ADAP1: variants seen among roughly 807,000 people sequenced by gnomAD.
ADAP1 encodes ArfGAP with dual PH domains 1.
In ADAP1, 31 loss-of-function variants were observed where a neutral mutation model predicts 54.9. That is an observed-to-expected ratio of 0.56 (90% confidence interval 0.42 to 0.76). ADAP1 has a LOEUF of 0.76. ADAP1 is among the 30% of genes least tolerant of loss of function. The pLI, the probability that ADAP1 is intolerant of heterozygous loss-of-function variation, is 0.00. For synonymous variants in ADAP1, 313 were observed against 202.6 expected (o/e 1.55, Z -4.63); for missense variants, 535 against 512.4 (o/e 1.04, Z -0.42).
At position 899,334 on chromosome 7, in the gene ADAP1, G is replaced by A. The variant is rs1203513108; in HGVS notation, c.868-73C>T. ...CCGCTTCACTCAGGCCAGGACTCGG[G>A]AGGCCACCCGCCCTCCTGGTCACGC... is the stretch of plus-strand genomic sequence containing the variant. On this transcript the variant is annotated intron_variant, in intron 9 of 10. Transcript: ENST00000265846. 8 of 1,605,102 alleles carry A rather than the reference G, an allele frequency of 5.0e-6. No homozygotes were observed. In the East Asian group the frequency reaches 8.9e-5, roughly 18 times the overall value.
In ADAP1 at chr7:935,521, G is replaced by T; in HGVS notation, c.83-16C>A. The T allele has an allele frequency of 6.4e-7, 1 of 1,558,532 alleles. No individual in the cohort carries two copies. Among genetic ancestry groups the T allele is most frequent in the South Asian group, 1.2e-5 (1 of 84,528 alleles). On this transcript the variant is annotated splice_polypyrimidine_tract_variant and intron_variant, in intron 1 of 10. Coordinates refer to ENST00000265846, the MANE Select transcript of ADAP1 (RefSeq NM_006869.4). Reference sequence around the variant, plus strand: ...CAGTCGGGATCTGCAAGGGAAAGCCGGACGTTCACGGAGGCTCAGCCCAGG... The same window carrying T: ...CAGTCGGGATCTGCAAGGGAAAGCCTGACGTTCACGGAGGCTCAGCCCAGG...
intron 5 of ADAP1, 58 bp from the exon 6 acceptor site, chr7:904,330 C>T: frequency 6.6e-7 from 1 of 1,517,730 alleles, no homozygotes; most frequent in Non-Finnish European, 8.8e-7. Flanking sequence ...CTCAAGGGAG[C>T]AGGAAGGGCA....
chr7:922,802 GCCCCCGCCCACA>G (rs1170114971), intron 3 of ADAP1, among the ~76,000 whole-genome samples: 216 of 150,478 alleles, frequency 1.4e-3, no homozygotes, highest in Middle Eastern at 3.5e-3. Context: ...TGGTGTTCAC[GCCCCCGCCCACA>G]CCCCCGCCCA....
chr7:943,832 G>GACGA (rs1847070638), intron 1 of ADAP1, among the ~76,000 whole-genome samples: 1 of 141,316 alleles, frequency 7.1e-6, no homozygotes, highest in Non-Finnish European at 1.5e-5. Context: ...GAGAGAGGAG[G>GACGA]AGGAAGGGAG....
intron 7 of ADAP1, 69 bp from the exon 8 acceptor site, chr7:900,233 C>T (rs953017277): frequency 9.7e-5 from 154 of 1,579,914 alleles, no homozygotes; most frequent in Middle Eastern, 3.3e-4. Flanking sequence ...CCTGGCTGTG[C>T]CCCTCTGTGC....
At position 946,265 on chromosome 7, in the gene ADAP1, AT is replaced by A. The variant is rs1341990278; in HGVS notation, c.82+8130del. On this transcript the variant is annotated intron_variant, in intron 1 of 10. Transcript: ENST00000265846. This position sits in a 1 kb window ranked among gnomAD's most constrained non-coding sequence, Gnocchi z 4.3. ...GATCCAGGCTCCCGCCGGCCGGTGG[AT>A]CCCCGCCAGCGAGGCAGTGACCTCT... Among the ~76,000 whole-genome samples, 1 of 152,010 alleles carries A rather than the reference AT, an allele frequency of 6.6e-6. No individual in the cohort carries two copies. The highest frequency in any genetic ancestry group is 1.5e-5 in the Non-Finnish European group (1 of 67,994).
chr7:930,815 T>TAA (rs55747872), intron 2 of ADAP1, among the ~76,000 whole-genome samples: 3,155 of 144,090 alleles, frequency 0.022, 63 homozygotes, highest in East Asian at 0.11. Flanking sequence ...AGACTGTCTC[T>TAA]AAAAAAAAAA....
chr7:899,439 T>A lies in ADAP1; in HGVS notation c.847A>T (p.Met283Leu), dbSNP rs972013573. ...CTTACCAGGGGGTCTTTGAAGTACA[T>A]GAGCCTGCGGTCATCCATGGTGAAC... ...RWFTMDDRRLMYFKDPLDAFA... is the reference protein window; with the variant it reads ...RWFTMDDRRLLYFKDPLDAFA... The change falls in exon 9 of 11, where the codon ATG becomes TTG. Residue 283 changes from methionine (M) to leucine (L), a missense_variant. Met to Leu is a conservative substitution (Grantham distance 15). Transcript: ENST00000265846. 6.2e-7 allele frequency: 1 copy of A among 1,613,070 alleles called. No individual in the cohort carries two copies. The highest frequency in any genetic ancestry group is 1.3e-5 in the African/African-American group (1 of 74,940).
chr7:952,556 G>A (rs1166723929), intron 1 of ADAP1, among the ~76,000 whole-genome samples: 1 of 152,176 alleles, frequency 6.6e-6, no homozygotes, highest in Non-Finnish European at 1.5e-5. Context: ...GGGGGGCTAG[G>A]CAGCCCCCTG....
intron 1 of ADAP1, among the ~76,000 whole-genome samples, chr7:947,373 GGA>G (rs1468702925): frequency 1.3e-5 from 2 of 151,950 alleles, no homozygotes; most frequent in African/African-American, 2.4e-5. Context: ...TTTTAAAAAA[GGA>G]GAGAGAGAGA....
rs1315203861 is a variant in ADAP1, at chr7:945,561, C to A, written c.82+8835G>T. Reference sequence around the variant, plus strand: ...ACAAGGCCAGCAGGTACACACTGGGCCCAAGGGTGGCTGCGGCATGGCTGA... The same window carrying A: ...ACAAGGCCAGCAGGTACACACTGGGACCAAGGGTGGCTGCGGCATGGCTGA... On this transcript the variant is annotated intron_variant, in intron 1 of 10. Transcript: ENST00000265846. This position sits in a 1 kb window ranked among gnomAD's most constrained non-coding sequence, Gnocchi z 4.2. Among the ~76,000 whole-genome samples, 1 of 152,232 alleles carries A rather than the reference C, an allele frequency of 6.6e-6. No individual in the cohort carries two copies. Among genetic ancestry groups the A allele is most frequent in the East Asian group, 1.9e-4 (1 of 5,196 alleles).
Position 954,572 on chromosome 7 carries a change from C to A in ADAP1, c.-95G>T, listed in dbSNP as rs915816555. On this transcript the variant is annotated 5_prime_UTR_variant, in exon 1 of 11. Coordinates refer to ENST00000265846, the MANE Select transcript of ADAP1 (RefSeq NM_006869.4). Reference sequence around the variant, plus strand: ...CCGCGCAGGCCGCCCGCCGCCGCCGCCCCTGCGCCATCCCGGGCGGCCTCA... The same window carrying A: ...CCGCGCAGGCCGCCCGCCGCCGCCGACCCTGCGCCATCCCGGGCGGCCTCA... The A allele has an allele frequency of 3.1e-5, 31 of 987,684 alleles. 1 individual carries two copies. The African/African-American group carries it at 4.0e-4, about 13-fold the overall frequency. 61.2% of individuals were successfully genotyped at this position (987,684 alleles called of 1,614,324 possible).
At chr7:935,108 T>G in intron 2 of ADAP1, 1 of 595,354 alleles carries the variant, frequency 1.7e-6, no homozygotes, top group Non-Finnish European at 3.2e-6. Context: ...GGCACGGGAA[T>G]CGGCGACCCG....
At chr7:904,950 G>A (rs1161933124) in intron 5 of ADAP1, 110 bp downstream of exon 5, 2 of 810,538 alleles carry the variant, frequency 2.5e-6, no homozygotes, top group Non-Finnish European at 2.0e-6. Flanking sequence ...CATCGGGGGG[G>A]GCAGCAGGGA....
intron 1 of ADAP1, among the ~76,000 whole-genome samples, chr7:949,094 A>G (rs967303817): frequency 1.3e-5 from 2 of 152,190 alleles, no homozygotes; most frequent in African/African-American, 4.8e-5. Context: ...GCAGATGCTG[A>G]GAGTGAAGGG....
chr7:924,625 C>T (rs1020477792), intron 3 of ADAP1, among the ~76,000 whole-genome samples: 1 of 151,062 alleles, frequency 6.6e-6, no homozygotes, highest in Admixed American at 6.6e-5. Context: ...GCCCCAGCAT[C>T]CACGGCTCAT....
At position 904,261 on chromosome 7, in the gene ADAP1, G is replaced by C. The variant is rs202209725; in HGVS notation, c.513C>G (p.Pro171=). 5 of 1,596,926 alleles carry C rather than the reference G, an allele frequency of 3.1e-6. No individual in the cohort carries two copies. The South Asian group carries it at 5.6e-5, about 18-fold the overall frequency. Residue 171 remains proline, a synonymous_variant, in exon 6 of 11, where the codon CCC becomes CCG. Transcript: ENST00000265846. The part of the protein sequence containing the change: ...KYFNRNDAKE[P]KAVMKIEHLN... ...GGTGCTCGATCTTCATCACGGCCTT[G>C]GGCTCCTTGGCCTGAGAAGGGGTGG...
At chr7:922,421 T>C (rs1011076327) in intron 3 of ADAP1, among the ~76,000 whole-genome samples, 2 of 152,104 alleles carry the variant, frequency 1.3e-5, no homozygotes, top group African/African-American at 4.8e-5. Flanking sequence ...CCCCTAGGTG[T>C]GGACTCACAG....
chr7:954,141 C>T (rs1847331653), intron 1 of ADAP1, among the ~76,000 whole-genome samples: 1 of 150,258 alleles, frequency 6.7e-6, no homozygotes, highest in South Asian at 2.1e-4. Flanking sequence ...GGAGGGGAGG[C>T]GGCGGCAGGG....
Sources: gnomAD v4.1 joint callset for allele counts (sites outside exome capture counted in the v4.1 genomes callset) on GRCh38, gnomAD v4.1.1 for gene constraint, Gnocchi (gnomAD v3.1) non-coding constraint, MANE v1.5 for transcripts, NCBI Gene and HGNC (gene_info 2026-07-23, HGNC 2026-07-21) for gene names.